The following SPAG16 variants were observed in gnomAD, a reference collection of about 807,000 sequenced individuals.
SPAG16 encodes the protein sperm associated antigen 16, also known as sperm-associated antigen 16 protein.
SPAG16 carries 86 observed loss-of-function variants against 80.4 expected under a neutral mutation model. The observed-to-expected ratio is 1.07, with a 90% CI of 0.90 to 1.28. The LOEUF (loss-of-function observed/expected upper bound fraction) is 1.28, where lower values mean the gene tolerates loss of function less well. SPAG16 is among the 50% of genes most tolerant of loss of function. The pLI is 0.00. For synonymous variants in SPAG16, 294 were observed against 265.9 expected, an observed-to-expected ratio of 1.11 and a Z score of -1.03; for missense variants, 870 against 765.3, an observed-to-expected ratio of 1.14 and a Z score of -1.61.
intron 10 of SPAG16, among the ~76,000 whole-genome samples, chr2:213,814,872 A>AATATATATATATATATATATATATATAT (rs34269015): frequency 6.7e-6 from 1 of 148,204 alleles, no homozygotes; most frequent in African/African-American, 2.5e-5. Context: ...AACAGCCTTA[A>AATATATATATATATATATATATATATAT]ATATATATAT....
chr2:213,825,054 G>A (rs1575251189), intron 10 of SPAG16, among the ~76,000 whole-genome samples: 2 of 151,652 alleles, frequency 1.3e-5, no homozygotes, highest in East Asian at 3.9e-4. Flanking sequence ...ATGTAGAAAT[G>A]CTACAGATTT....
chr2:213,996,441 A>G (rs1182911037), intron 12 of SPAG16, among the ~76,000 whole-genome samples: 2 of 152,194 alleles, frequency 1.3e-5, no homozygotes, highest in African/African-American at 4.8e-5. Context: ...GACTGTCAGG[A>G]AAAGTCAGAA....
At chr2:213,997,428 A>T (rs1034303560) in intron 12 of SPAG16, among the ~76,000 whole-genome samples, 8 of 152,178 alleles carry the variant, frequency 5.3e-5, no homozygotes, top group African/African-American at 1.9e-4. Flanking sequence ...TCCAAAAACA[A>T]ATTTCTTATT....
chr2:213,894,878 T>C (rs1422004792), intron 11 of SPAG16, among the ~76,000 whole-genome samples: 2 of 148,726 alleles, frequency 1.3e-5, no homozygotes, highest in Admixed American at 6.8e-5. Flanking sequence ...TAGTCCCAGA[T>C]ACTTGGGAGG....
intron 6 of SPAG16, among the ~76,000 whole-genome samples, chr2:213,342,184 G>A (rs2064719180): frequency 6.6e-6 from 1 of 151,126 alleles, no homozygotes; most frequent in Admixed American, 6.6e-5. Context: ...ATATAGTTTT[G>A]TGTATACAAT....
intron 12 of SPAG16, among the ~76,000 whole-genome samples, chr2:214,011,734 T>C (rs1378833112): frequency 6.6e-6 from 1 of 152,182 alleles, no homozygotes; most frequent in Non-Finnish European, 1.5e-5. Flanking sequence ...ATTCCTGATG[T>C]ATTGATTTTA....
chr2:213,301,700 A>G (rs1344346312), intron 3 of SPAG16, among the ~76,000 whole-genome samples: 1 of 152,036 alleles, frequency 6.6e-6, no homozygotes, highest in East Asian at 1.9e-4. Flanking sequence ...TGCAAATTTC[A>G]GTTTATCTCC....
At chr2:213,348,251 G>T (rs975624762) in intron 6 of SPAG16, among the ~76,000 whole-genome samples, 13 of 151,934 alleles carry the variant, frequency 8.6e-5, no homozygotes, top group African/African-American at 3.1e-4. Flanking sequence ...TCCATCCCTT[G>T]ATTTTGAGCC....
At chr2:213,437,897 T>G (rs1189674494) in intron 9 of SPAG16, among the ~76,000 whole-genome samples, 1 of 152,224 alleles carries the variant, frequency 6.6e-6, no homozygotes, top group African/African-American at 2.4e-5. Flanking sequence ...GTTCTTTTGG[T>G]TGCAAGTGGC....
chr2:213,323,593 A>C (rs191822999), intron 5 of SPAG16, among the ~76,000 whole-genome samples: 4 of 152,226 alleles, frequency 2.6e-5, no homozygotes, highest in African/African-American at 9.6e-5. Flanking sequence ...TCAAACTACC[A>C]TATGATCAAG....
intron 10 of SPAG16, among the ~76,000 whole-genome samples, chr2:213,613,554 T>C (rs961986360): frequency 6.6e-6 from 1 of 152,234 alleles, no homozygotes; most frequent in African/African-American, 2.4e-5. Context: ...CTCACCTGCT[T>C]AAGTTCTTGT....
intron 15 of SPAG16, among the ~76,000 whole-genome samples, chr2:214,331,021 T>C (rs1478919017): frequency 6.6e-6 from 1 of 152,194 alleles, no homozygotes; most frequent in Non-Finnish European, 1.5e-5. Context: ...GTTCCTGAGG[T>C]TACTCATTGA....
chr2:213,538,346 T>C (rs1019825137), intron 10 of SPAG16, among the ~76,000 whole-genome samples: 11 of 152,148 alleles, frequency 7.2e-5, no homozygotes, highest in Non-Finnish European at 1.0e-4. Context: ...TAAATTGACA[T>C]CCTATGTCAA....
chr2:213,362,672 G>A (rs2066049355), intron 7 of SPAG16, among the ~76,000 whole-genome samples: 2 of 152,072 alleles, frequency 1.3e-5, no homozygotes, highest in Non-Finnish European at 2.9e-5. Context: ...TCAAATCTAG[G>A]GCTATTCTGT....
At chr2:213,748,802 G>GT (rs200609246) in intron 10 of SPAG16, among the ~76,000 whole-genome samples, 1 of 151,992 alleles carries the variant, frequency 6.6e-6, no homozygotes, top group Non-Finnish European at 1.5e-5. Flanking sequence ...CAGTGTTTTA[G>GT]TTTTTTTCTG....
intron 10 of SPAG16, among the ~76,000 whole-genome samples, chr2:213,536,321 G>A (rs2076245244): frequency 6.6e-6 from 1 of 152,052 alleles, no homozygotes; most frequent in South Asian, 2.1e-4. Context: ...AAATCACTGA[G>A]GGTAGATACA....
intron 1 of SPAG16, chr2:213,284,842 G>A: frequency 1.7e-6 from 1 of 581,986 alleles, no homozygotes; most frequent in East Asian, 3.1e-5. Flanking sequence ...TGTTAGAAGA[G>A]TTGGGAGACC....
intron 9 of SPAG16, among the ~76,000 whole-genome samples, chr2:213,405,086 T>A (rs2068541646): frequency 6.6e-6 from 1 of 152,198 alleles, no homozygotes; most frequent in South Asian, 2.1e-4. Context: ...CGTAAACACA[T>A]GCTTTACTTT....
At chr2:213,362,486 G>A (rs181769485) in intron 7 of SPAG16, among the ~76,000 whole-genome samples, 2 of 152,240 alleles carry the variant, frequency 1.3e-5, no homozygotes, top group South Asian at 2.1e-4. Context: ...ACTTTACAGT[G>A]GGGAAACCTG....
Sources: allele counts gnomAD v4.1 joint callset (sites outside exome capture counted in the v4.1 genomes callset), GRCh38; gene constraint gnomAD v4.1.1; transcripts MANE v1.5; gene names NCBI Gene and HGNC (gene_info 2026-07-23, HGNC 2026-07-21).